The following HNRNPLL variants were observed in gnomAD, a reference collection of about 807,000 sequenced individuals.
The protein encoded by HNRNPLL is heterogeneous nuclear ribonucleoprotein L like.
In HNRNPLL, 25 loss-of-function variants were observed where a neutral mutation model predicts 67.1. The ratio of observed to expected loss-of-function variants is 0.37; its 90% CI spans 0.27 to 0.52. The LOEUF is 0.52. Among genes scored for constraint, HNRNPLL ranks in the 20% least tolerant of loss-of-function variants. The pLI is 0.90. For missense variants in HNRNPLL, 542 were observed against 673.9 expected (o/e 0.80, Z 2.17); for synonymous variants, 267 against 241.7 (o/e 1.10, Z -0.97).
intron 1 of HNRNPLL, among the ~76,000 whole-genome samples, chr2:38,592,522 G>A (rs1001324596): frequency 4.6e-5 from 7 of 152,222 alleles, no homozygotes; most frequent in Non-Finnish European, 7.3e-5. Context: ...TTGCAAGGCA[G>A]GGGGATGAAT....
At chr2:38,578,009 T>C (rs1299972142) in intron 6 of HNRNPLL, 3 of 470,744 alleles carry the variant, frequency 6.4e-6, no homozygotes, top group Non-Finnish European at 1.3e-5. Flanking sequence ...CAACCTGTAT[T>C]ACATGGTTTC....
chr2:38,568,750 C>A (rs1027134764), intron 10 of HNRNPLL, among the ~76,000 whole-genome samples: 1 of 152,118 alleles, frequency 6.6e-6, no homozygotes, highest in East Asian at 1.9e-4. Context: ...TCCACAAAAT[C>A]ATTTCTTATC....
rs773051700 is a variant in HNRNPLL, at chr2:38,568,128, A to G, written c.1573+71T>C. On this transcript the variant is annotated intron_variant, in intron 12 of 12. Transcript: ENST00000449105. ...GAAGCCTATTAAGTGTTATTTTTAT[A>G]TTACCATGAATGTTTCTGTGATGGT... 2.8e-4 allele frequency: 254 copies of G among 905,382 alleles called. 1 individual carries two copies. The highest frequency in any genetic ancestry group is 1.3e-4 in the Admixed American group (5 of 38,712). 56.1% of individuals were successfully genotyped at this position (905,382 alleles called of 1,614,324 possible).
At chr2:38,601,353 T>C (rs567893789) in intron 1 of HNRNPLL, among the ~76,000 whole-genome samples, 120 of 152,360 alleles carry the variant, frequency 7.9e-4, no homozygotes, top group African/African-American at 2.7e-3. Context: ...CTAATGTGCG[T>C]CTTATTTTTA....
At chr2:38,584,107 G>A (rs1666636806) in intron 3 of HNRNPLL, among the ~76,000 whole-genome samples, 181 bp from the exon 4 acceptor site, 1 of 152,026 alleles carries the variant, frequency 6.6e-6, no homozygotes, top group Admixed American at 6.6e-5. Context: ...TGTTGCCTAG[G>A]CTAGAGTGCA....
At chr2:38,598,132 T>C (rs898286890) in intron 1 of HNRNPLL, among the ~76,000 whole-genome samples, 4 of 152,160 alleles carry the variant, frequency 2.6e-5, no homozygotes, top group African/African-American at 4.8e-5. Context: ...CGTATTATTA[T>C]TATACATTGG....
chr2:38,569,108 T>C (rs753653821), intron 10 of HNRNPLL, 25 bp downstream of exon 10: 2 of 1,455,826 alleles, frequency 1.4e-6, no homozygotes, highest in South Asian at 1.1e-5. Flanking sequence ...CAACATTCTA[T>C]ACACATTTGT....
In HNRNPLL at chr2:38,569,891, A is replaced by G. The variant is rs1558530257; in HGVS notation, c.1127T>C (p.Leu376Pro). 1.3e-6 allele frequency: 2 copies of G among 1,593,942 alleles called. No homozygotes were observed. Among genetic ancestry groups the G allele is most frequent in the Non-Finnish European group, 1.7e-6 (2 of 1,164,928 alleles). Residue 376 changes from leucine to proline, a missense_variant, in exon 9 of 13, where the codon CTG (leucine) becomes CCG (proline). Physicochemically the swap from Leu to Pro is moderately conservative, Grantham distance 98. Around this residue, in one of 2 missense-constraint regions of HNRNPLL, gnomAD observed 415 missense variants for 575.2 expected, o/e 0.72. Transcript: ENST00000449105. ...KFMKTIPGTA[L>P]VEMGDEYAVE... is the part of the protein sequence containing the mutation. ...AGCATACTCATCACCCATTTCTACC[A>G]GTGCTGTACCAGGAATGGTCTTCAT...
At chr2:38,588,757 T>C (rs1248704712) in intron 2 of HNRNPLL, among the ~76,000 whole-genome samples, 2 of 152,112 alleles carry the variant, frequency 1.3e-5, no homozygotes, top group African/African-American at 4.8e-5. Context: ...CGCACTCATA[T>C]GAAACCAGGT....
At chr2:38,580,895 ATAACCT>A (rs1298508455) in intron 6 of HNRNPLL, among the ~76,000 whole-genome samples, 1 of 152,210 alleles carries the variant, frequency 6.6e-6, no homozygotes, top group Non-Finnish European at 1.5e-5. Context: ...ATTGACAGTG[ATAACCT>A]TAAATTGTTA....
intron 6 of HNRNPLL, among the ~76,000 whole-genome samples, chr2:38,579,212 G>C (rs1666422990): frequency 6.6e-6 from 1 of 152,036 alleles, no homozygotes; most frequent in Admixed American, 6.6e-5. Context: ...TTGCTGTATA[G>C]TCACAGAAAC....
intron 12 of HNRNPLL, 134 bp from the exon 13 acceptor site, chr2:38,564,371 G>C: frequency 1.8e-6 from 1 of 569,750 alleles, no homozygotes; most frequent in South Asian, 2.4e-5. Flanking sequence ...GGAATATAAA[G>C]AAGTAAAATT....
rs374473772 is a variant in HNRNPLL, at chr2:38,573,462, C to T, written c.875-35G>A. On this transcript the variant is annotated intron_variant, in intron 7 of 12. Transcript: ENST00000449105. ...TGATCAAAATAAATAAATTAGTTAA[C>T]ATATACACATAGTTGTTTGTAAATA... 3.3e-5 allele frequency: 45 copies of T among 1,344,506 alleles called. No individual in the cohort carries two copies. In the African/African-American group the frequency reaches 5.6e-4, roughly 17 times the overall value. The allele number at this position is 1,344,506 out of a possible 1,614,324, so 83.3% of individuals were successfully genotyped here.
rs1366923123 is a variant in HNRNPLL at position 38,602,783 on chromosome 2, C to T, written c.-157G>A. ...GGGGACTGCGCGGCCAGGAGACTGG[C>T]GGCTGAGAAGCGCGGACGGACTGAG... is the stretch of plus-strand genomic sequence containing the variant. On this transcript the variant is annotated 5_prime_UTR_variant, in exon 1 of 13. Transcript: ENST00000449105. 7.2e-6 allele frequency: 11 copies of T among 1,530,340 alleles called. No individual in the cohort carries two copies. The East Asian group carries it at 1.3e-4, about 18-fold the overall frequency. The allele number at this position is 1,530,340 out of a possible 1,614,324, so 94.8% of individuals were successfully genotyped here. A position where few individuals can be genotyped will look rare whatever the true frequency, so the allele number is the denominator to read the frequency against.
chr2:38,580,319 G>A, intron 6 of HNRNPLL, among the ~76,000 whole-genome samples: 1 of 152,152 alleles, frequency 6.6e-6, no homozygotes. Context: ...CATAAGTAGT[G>A]AAAAACATGG....
intron 6 of HNRNPLL, chr2:38,581,625 T>G: frequency 2.1e-6 from 1 of 487,056 alleles, no homozygotes; most frequent in Non-Finnish European, 3.6e-6. Context: ...CAGTTTCCTC[T>G]CCTCCAAAGA....
intron 1 of HNRNPLL, among the ~76,000 whole-genome samples, chr2:38,592,005 T>C (rs1479235776): frequency 6.6e-6 from 1 of 152,168 alleles, no homozygotes; most frequent in African/African-American, 2.4e-5. Context: ...TAAGTCTAAG[T>C]TGAATTGCAT....
intron 1 of HNRNPLL, among the ~76,000 whole-genome samples, chr2:38,595,679 A>G (rs541794874): frequency 1.4e-4 from 21 of 152,032 alleles, no homozygotes; most frequent in Non-Finnish European, 5.9e-5. Flanking sequence ...CCACATCTCT[A>G]CTAAAAATAC....
intron 1 of HNRNPLL, among the ~76,000 whole-genome samples, chr2:38,597,691 AT>A (rs5830538): frequency 0.23 from 33,596 of 143,136 alleles, 4,197 homozygotes; most frequent in East Asian, 0.45. Context: ...AACTTTTTTT[AT>A]TTTTTTTTTT....
Sources: gnomAD v4.1 joint callset for allele counts (sites outside exome capture counted in the v4.1 genomes callset) on GRCh38, gnomAD v4.1.1 for gene constraint, gnomAD v4.1.1 regional missense constraint, MANE v1.5 for transcripts, NCBI Gene and HGNC (gene_info 2026-07-23, HGNC 2026-07-21) for gene names.